The following MGMT variants were observed in gnomAD, a reference collection of about 807,000 sequenced individuals.
The protein encoded by MGMT is methylated-DNA--protein-cysteine methyltransferase.
Under a neutral mutation model 15.9 loss-of-function variants are expected in MGMT, and 14 were observed. That is an observed-to-expected ratio of 0.88 (90% CI 0.58 to 1.37). The LOEUF (loss-of-function observed/expected upper bound fraction) is 1.37. MGMT is among the 40% of genes most tolerant of loss of function. MGMT has a pLI of 0.00. For missense variants in MGMT, 282 were observed against 268.1 expected, an observed-to-expected ratio of 1.05 and a Z score of -0.36; for synonymous variants, 130 against 118.2, an observed-to-expected ratio of 1.10 and a Z score of -0.65.
rs1269110709 is a variant in MGMT, at chr10:129,770,765, TTGCTTC to T, written c.*3769_*3774del. Among the ~76,000 whole-genome samples the T allele has an allele frequency of 1.3e-5, 2 of 152,304 alleles. No individual in the cohort carries two copies. Among genetic ancestry groups the T allele is most frequent in the East Asian group, 3.9e-4 (2 of 5,160 alleles). On this transcript the variant is annotated 3_prime_UTR_variant, in exon 5 of 5. Transcript: ENST00000651593. ...TGAAAGACCAATCCCGAAACGGCCC[TTGCTTC>T]GGCCACAGCTGCTGGGATGTCCTCG...
intron 2 of MGMT, among the ~76,000 whole-genome samples, chr10:129,655,436 A>T (rs1847514386): frequency 6.6e-6 from 1 of 152,160 alleles, no homozygotes. Context: ...CAAGGCGCTG[A>T]CCCTGACGCT....
chr10:129,561,865 G>T (rs1846282813), intron 2 of MGMT, among the ~76,000 whole-genome samples: 1 of 152,148 alleles, frequency 6.6e-6, no homozygotes, highest in Non-Finnish European at 1.5e-5. Flanking sequence ...CTGCACCCAG[G>T]ACTTGTAAAT....
At chr10:129,665,846 C>T (rs1015915705) in intron 2 of MGMT, among the ~76,000 whole-genome samples, 2 of 152,162 alleles carry the variant, frequency 1.3e-5, no homozygotes, top group East Asian at 1.9e-4. Context: ...CTGAATACAA[C>T]GTGTGCCTGT....
chr10:129,639,496 A>G (rs1847302804), intron 2 of MGMT, among the ~76,000 whole-genome samples: 2 of 152,244 alleles, frequency 1.3e-5, no homozygotes, highest in South Asian at 2.1e-4. Flanking sequence ...GAACAGCATT[A>G]TCTACTAACT....
intron 2 of MGMT, among the ~76,000 whole-genome samples, chr10:129,612,070 T>C (rs897003563): frequency 6.6e-6 from 1 of 151,992 alleles, no homozygotes; most frequent in African/African-American, 2.4e-5. Flanking sequence ...AAGAAATACA[T>C]TGGTTTGGTC....
intron 1 of MGMT, among the ~76,000 whole-genome samples, chr10:129,523,196 ACCCGGCGGGGGC>A (rs1845831759): frequency 6.6e-6 from 1 of 152,050 alleles, no homozygotes; most frequent in Non-Finnish European, 1.5e-5. Context: ...GAGATGTGCG[ACCCGGCGGGGGC>A]CTCGGCGGGC....
At chr10:129,672,122 G>A (rs1847731376) in intron 2 of MGMT, among the ~76,000 whole-genome samples, 1 of 152,072 alleles carries the variant, frequency 6.6e-6, no homozygotes, top group Non-Finnish European at 1.5e-5. Flanking sequence ...GGCAAGTTCT[G>A]GTTTCAGTTT....
chr10:129,499,422 A>G (rs542362185), intron 1 of MGMT, among the ~76,000 whole-genome samples: 3 of 152,250 alleles, frequency 2.0e-5, no homozygotes, highest in African/African-American at 7.2e-5. Flanking sequence ...TCAAATATCC[A>G]TGTTGGATGT....
chr10:129,495,469 G>A (rs928677145), intron 1 of MGMT, among the ~76,000 whole-genome samples: 7 of 152,138 alleles, frequency 4.6e-5, no homozygotes, highest in Non-Finnish European at 1.0e-4. Context: ...AGCTTTTATA[G>A]GCCAAGTGAT....
chr10:129,587,859 A>G (rs1846635516), intron 2 of MGMT, among the ~76,000 whole-genome samples: 2 of 151,814 alleles, frequency 1.3e-5, no homozygotes. Context: ...TTCTCCTCCT[A>G]GCAGTTGTAT....
chr10:129,747,051 T>C (rs1172302578), intron 3 of MGMT, among the ~76,000 whole-genome samples: 1 of 152,320 alleles, frequency 6.6e-6, no homozygotes. Flanking sequence ...ATATACAAAT[T>C]GTTAGATTTA....
chr10:129,513,677 G>A (rs1589843517), intron 1 of MGMT, among the ~76,000 whole-genome samples: 1 of 152,320 alleles, frequency 6.6e-6, no homozygotes, highest in African/African-American at 2.4e-5. Flanking sequence ...GGAAAACAAG[G>A]AGAACTAGAA....
At chr10:129,685,771 C>T (rs759548122) in intron 2 of MGMT, among the ~76,000 whole-genome samples, 1 of 152,236 alleles carries the variant, frequency 6.6e-6, no homozygotes, top group East Asian at 1.9e-4. Context: ...CATTCATTAT[C>T]TCTGGAGATG....
chr10:129,699,040 CTTTAG>C (rs1848065199), intron 2 of MGMT, among the ~76,000 whole-genome samples: 1 of 152,168 alleles, frequency 6.6e-6, no homozygotes, highest in South Asian at 2.1e-4. Context: ...GTTTTGGAAT[CTTTAG>C]GGACCTGATC....
intron 1 of MGMT, among the ~76,000 whole-genome samples, chr10:129,475,749 A>G (rs940552784): frequency 6.9e-6 from 1 of 145,802 alleles, no homozygotes; most frequent in African/African-American, 2.4e-5. Flanking sequence ...ACCAGGACAC[A>G]GGAGGTTGCT....
rs1356862366 is a variant in MGMT at position 129,767,483 on chromosome 10, A to C, written c.*486A>C. On this transcript the variant is annotated 3_prime_UTR_variant, in exon 5 of 5. Coordinates refer to ENST00000651593, the MANE Select transcript of MGMT (RefSeq NM_002412.5). ...TCCCACACCCAGGTCTCACTGAAAG[A>C]AAGGGGAACAGGCCATGGCAGTCAG... is the stretch of plus-strand genomic sequence containing the variant. 1 of 153,488 alleles carries C rather than the reference A, an allele frequency of 6.5e-6. No homozygotes were observed. The highest frequency in any genetic ancestry group is 2.4e-5 in the African/African-American group (1 of 41,492). The allele number at this position is 153,488 out of a possible 1,614,324, so 9.5% of individuals were successfully genotyped here.
chr10:129,740,464 G>A (rs7094634), intron 3 of MGMT, among the ~76,000 whole-genome samples: 60,985 of 152,068 alleles, frequency 0.4, 17,515 homozygotes, highest in African/African-American at 0.81. Context: ...GAAGGGGGAC[G>A]GGAGAGTCAA....
intron 2 of MGMT, among the ~76,000 whole-genome samples, chr10:129,638,642 A>G (rs1262934976): frequency 6.6e-6 from 1 of 152,084 alleles, no homozygotes; most frequent in East Asian, 1.9e-4. Flanking sequence ...ATTAAAGGAA[A>G]ATAACTTAGA....
intron 2 of MGMT, among the ~76,000 whole-genome samples, chr10:129,705,168 A>G (rs1848146181): frequency 6.6e-6 from 1 of 152,190 alleles, no homozygotes; most frequent in Non-Finnish European, 1.5e-5. Flanking sequence ...GCCCCTGGGC[A>G]TGTCTGCTGT....
Sources: gnomAD v4.1 joint callset for allele counts (sites outside exome capture counted in the v4.1 genomes callset) on GRCh38, gnomAD v4.1.1 for gene constraint, MANE v1.5 for transcripts, NCBI Gene and HGNC (gene_info 2026-07-23, HGNC 2026-07-21) for gene names.